The following KCND3 variants were observed in gnomAD, a reference collection of about 807,000 sequenced individuals.
KCND3 encodes the protein potassium voltage-gated channel subfamily D member 3, also known as A-type voltage-gated potassium channel KCND3.
In KCND3, 9 loss-of-function variants were observed where a neutral mutation model predicts 51.1. That is an observed-to-expected ratio of 0.18 (90% CI 0.11 to 0.31). The LOEUF (loss-of-function observed/expected upper bound fraction) is 0.31, where lower values mean the gene tolerates loss of function less well. Ranked by LOEUF, KCND3 falls within the 10% of genes least tolerant of loss-of-function variation. KCND3 has a pLI of 1.00. For synonymous variants in KCND3, 349 were observed against 368.0 expected (o/e 0.95, Z 0.59); for missense variants, 526 against 903.8 (o/e 0.58, Z 5.36).
Position 111,780,576 on chromosome 1 carries a change from G to A in KCND3, c.1371+114C>T. ...CTACCTGGGGAAAGTTTGGAAACGT[G>A]TCCTCCTTGGGGTTCATACTGGGGC... On this transcript the variant is annotated intron_variant, in intron 4 of 7. Transcript: ENST00000302127. The surrounding 1 kb of genome is among the most constrained non-coding windows in gnomAD (Gnocchi z 4.2). 1.0e-6 allele frequency: 1 copy of A among 975,946 alleles called. No homozygotes were observed. Among genetic ancestry groups the A allele is most frequent in the Non-Finnish European group, 1.6e-6 (1 of 626,198 alleles). The allele number at this position is 975,946 out of a possible 1,614,324, so 60.5% of individuals were successfully genotyped here. A position where few individuals can be genotyped will look rare whatever the true frequency, so the allele number is the denominator to read the frequency against.
At chr1:111,975,917 T>C (rs1215759814) in intron 2 of KCND3, among the ~76,000 whole-genome samples, 1 of 152,222 alleles carries the variant, frequency 6.6e-6, no homozygotes, top group East Asian at 1.9e-4. Flanking sequence ...AGGTCTCTGC[T>C]CGAATATCTG....
chr1:111,881,899 T>C (rs1057506358), intron 2 of KCND3, among the ~76,000 whole-genome samples: 1 of 152,236 alleles, frequency 6.6e-6, no homozygotes, highest in African/African-American at 2.4e-5. Context: ...TCTACAGGGC[T>C]GGAGCCAGAC....
intron 2 of KCND3, among the ~76,000 whole-genome samples, chr1:111,847,000 T>C (rs1667579319): frequency 6.6e-6 from 1 of 152,202 alleles, no homozygotes; most frequent in South Asian, 2.1e-4. Context: ...TTTGCTTCCA[T>C]ATTCTCAGCT....
In KCND3 at chr1:111,868,273, T is replaced by C. The variant is rs528407513; in HGVS notation, c.1107-81167A>G. On this transcript the variant is annotated intron_variant, in intron 2 of 7. Transcript: ENST00000302127. ...AACCTGCCCGGGATGAGAACCTTCC[T>C]CCAGCACATCCGCTGTCCACGCTAC... 8.8e-4 allele frequency among the ~76,000 whole-genome samples: 134 copies of C among 152,320 alleles called. 1 individual carries two copies. Among genetic ancestry groups the C allele is most frequent in the African/African-American group, 3.2e-3 (132 of 41,560 alleles).
intron 1 of KCND3, among the ~76,000 whole-genome samples, 151 bp downstream of exon 1, chr1:111,989,354 G>A (rs1331370807): frequency 6.6e-6 from 1 of 152,020 alleles, no homozygotes; most frequent in Non-Finnish European, 1.5e-5. Context: ...CCCACGGCAC[G>A]GGCCCCACCC....
Position 111,981,391 on chromosome 1 carries a change from T to C in KCND3, c.1106+230A>G, listed in dbSNP as rs1468592019. The stretch of plus-strand genomic sequence containing the variant: ...TGGTGACTTAATTTTCTTAGCTCTA[T>C]AAAACACATGCCCCGACCTCAAAAA... On this transcript the variant is annotated intron_variant, in intron 2 of 7. Transcript: ENST00000302127. The surrounding 1 kb of genome is among the most constrained non-coding windows in gnomAD (Gnocchi z 6.2). Among the ~76,000 whole-genome samples the C allele has an allele frequency of 3.3e-5, 5 of 152,040 alleles. No individual in the cohort carries two copies. Among genetic ancestry groups the C allele is most frequent in the East Asian group, 1.9e-4 (1 of 5,186 alleles).
intron 2 of KCND3, among the ~76,000 whole-genome samples, chr1:111,920,560 T>C (rs1389054823): frequency 6.6e-6 from 1 of 152,234 alleles, no homozygotes; most frequent in Non-Finnish European, 1.5e-5. Context: ...CTCTTGCTGC[T>C]GAAAACCCCA....
intron 2 of KCND3, among the ~76,000 whole-genome samples, chr1:111,895,784 G>A (rs937486065): frequency 6.6e-6 from 1 of 152,224 alleles, no homozygotes; most frequent in Non-Finnish European, 1.5e-5. Context: ...AAGCTTCAGC[G>A]GAAACGCTGC....
intron 2 of KCND3, among the ~76,000 whole-genome samples, chr1:111,797,959 C>T (rs994413392): frequency 2.6e-5 from 4 of 152,224 alleles, no homozygotes; most frequent in African/African-American, 9.6e-5. Flanking sequence ...AGTTAGCAGG[C>T]TACTGCATCA....
At chr1:111,953,296 G>A (rs982565561) in intron 2 of KCND3, among the ~76,000 whole-genome samples, 2 of 152,210 alleles carry the variant, frequency 1.3e-5, no homozygotes, top group African/African-American at 4.8e-5. Flanking sequence ...GACCTCTGAA[G>A]AGAGTTACTG....
At chr1:111,961,616 C>T (rs1290370906) in intron 2 of KCND3, among the ~76,000 whole-genome samples, 2 of 152,068 alleles carry the variant, frequency 1.3e-5, no homozygotes, top group Non-Finnish European at 1.5e-5. Flanking sequence ...TTCCCTGTGC[C>T]GAAGGTGTGC....
At chr1:111,987,116 A>T (rs1675326367) in intron 1 of KCND3, among the ~76,000 whole-genome samples, 1 of 152,080 alleles carries the variant, frequency 6.6e-6, no homozygotes, top group South Asian at 2.1e-4. Context: ...TGCCCCCTGA[A>T]AGGGTGATGC....
intron 2 of KCND3, among the ~76,000 whole-genome samples, chr1:111,854,524 C>A (rs951082800): frequency 6.6e-6 from 1 of 152,006 alleles, no homozygotes; most frequent in African/African-American, 2.4e-5. Context: ...GGAGGTGAGT[C>A]GGTTGTCCAG....
intron 2 of KCND3, among the ~76,000 whole-genome samples, chr1:111,941,624 G>A (rs1406200260): frequency 6.6e-6 from 1 of 152,094 alleles, no homozygotes; most frequent in Non-Finnish European, 1.5e-5. Flanking sequence ...AAATGGCATG[G>A]TAATCCCCAG....
intron 2 of KCND3, among the ~76,000 whole-genome samples, chr1:111,890,357 C>A (rs543199955): frequency 6.6e-6 from 1 of 152,084 alleles, no homozygotes; most frequent in Non-Finnish European, 1.5e-5. Flanking sequence ...TTAACAGAGG[C>A]GTCAAAGCTG....
At chr1:111,821,148 G>C (rs1666328947) in intron 2 of KCND3, among the ~76,000 whole-genome samples, 1 of 152,212 alleles carries the variant, frequency 6.6e-6, no homozygotes. Flanking sequence ...TCCGTGTGCT[G>C]TCTTCAGATG....
chr1:111,934,959 G>C (rs151062958), intron 2 of KCND3, among the ~76,000 whole-genome samples: 124 of 152,298 alleles, frequency 8.1e-4, no homozygotes, highest in Non-Finnish European at 1.3e-3. Flanking sequence ...ACAACTATTA[G>C]CTATTCTTCT....
chr1:111,854,972 G>A (rs528441696), intron 2 of KCND3, among the ~76,000 whole-genome samples: 4 of 152,248 alleles, frequency 2.6e-5, no homozygotes, highest in East Asian at 1.9e-4. Flanking sequence ...CTACATCCCC[G>A]GCATCCTGTC....
At chr1:111,907,011 G>C (rs191895271) in intron 2 of KCND3, among the ~76,000 whole-genome samples, 55 of 152,270 alleles carry the variant, frequency 3.6e-4, no homozygotes, top group African/African-American at 1.3e-3. Context: ...CTTCAGGATT[G>C]GTCCAGAATT....
Sources: allele counts gnomAD v4.1 joint callset (sites outside exome capture counted in the v4.1 genomes callset), GRCh38; gene constraint gnomAD v4.1.1; non-coding constraint Gnocchi (gnomAD v3.1); transcripts MANE v1.5; gene names NCBI Gene and HGNC (gene_info 2026-07-23, HGNC 2026-07-21).